The following ENKUR variants were observed in gnomAD, a reference collection of about 807,000 sequenced individuals.
The protein encoded by ENKUR is enkurin, TRPC channel interacting protein, also known as enkurin.
A neutral mutation model predicts 27.6 loss-of-function variants in ENKUR; 19 were observed. The ratio of observed to expected loss-of-function variants is 0.69; its 90% CI spans 0.48 to 1.01. The LOEUF (loss-of-function observed/expected upper bound fraction) is 1.01. Among genes scored for constraint, ENKUR ranks in the 50% least tolerant of loss-of-function variants. The probability of loss-of-function intolerance (pLI) is 0.00; values close to 1 mark genes in which losing one functional copy is unlikely to be tolerated. For synonymous variants in ENKUR, 117 were observed against 96.9 expected (o/e 1.21, Z -1.22); for missense variants, 312 against 310.5 (o/e 1.00, Z -0.04).
intron 3 of ENKUR, among the ~76,000 whole-genome samples, chr10:24,991,677 A>G (rs1849932288): frequency 6.6e-6 from 1 of 152,148 alleles, no homozygotes; most frequent in South Asian, 2.1e-4. Context: ...CTTCCACTCA[A>G]TAAAACCTTG....
At position 25,061,773 on chromosome 10, in the gene ENKUR, C is replaced by T. The variant is rs528836886; in HGVS notation, c.-221-404G>A. Among the ~76,000 whole-genome samples, 51 of 152,310 alleles carry T rather than the reference C, an allele frequency of 3.3e-4. No homozygotes were observed. The South Asian group carries it at 0.01, about 31-fold the overall frequency. On this transcript the variant is annotated intron_variant, in intron 1 of 5. Coordinates refer to the ENKUR transcript ENST00000615958. ...ACTTCCCACCTTCCCCAGACCTAGG[C>T]CTGCACATTCTTCTCTCCCTTCATC...
intron 2 of ENKUR, among the ~76,000 whole-genome samples, chr10:25,054,587 C>CCTTA (rs1267524264): frequency 5.8e-5 from 8 of 138,142 alleles, no homozygotes; most frequent in Admixed American, 3.0e-4. Context: ...TTTCTTTCTT[C>CCTTA]CTTTCTTTCT....
At chr10:25,017,552 T>C, upstream of ENKUR, among the ~76,000 whole-genome samples, 1 of 152,140 alleles carries the variant, frequency 6.6e-6, no homozygotes, top group East Asian at 1.9e-4. Flanking sequence ...AAAAAGGCTT[T>C]ACTGAATGTG....
intron 2 of ENKUR, among the ~76,000 whole-genome samples, chr10:25,036,048 A>G (rs986419586): frequency 1.3e-5 from 2 of 152,216 alleles, no homozygotes; most frequent in African/African-American, 2.4e-5. Context: ...GATAAATACT[A>G]TAATCAGGAC....
intron 2 of ENKUR, among the ~76,000 whole-genome samples, chr10:25,039,504 C>T (rs903445892): frequency 2.0e-5 from 3 of 152,034 alleles, no homozygotes; most frequent in Non-Finnish European, 4.4e-5. Context: ...CACTTGAGCC[C>T]GAGAGGTGGA....
At chr10:24,997,792 T>C (rs894994061) in intron 2 of ENKUR, among the ~76,000 whole-genome samples, 4 of 149,918 alleles carry the variant, frequency 2.7e-5, no homozygotes, top group African/African-American at 1.0e-4. Flanking sequence ...TTTTTTCTTA[T>C]TTGACACAAA....
intron 2 of ENKUR, among the ~76,000 whole-genome samples, chr10:25,036,996 G>A (rs1165613232): frequency 3.9e-5 from 6 of 152,178 alleles, no homozygotes; most frequent in Admixed American, 2.0e-4. Context: ...ACAATCCCGT[G>A]CAAGCCAAAA....
chr10:24,997,573 G>C (rs1850092616), intron 2 of ENKUR, among the ~76,000 whole-genome samples: 1 of 151,784 alleles, frequency 6.6e-6, no homozygotes, highest in Admixed American at 6.6e-5. Context: ...ATTTTTTATA[G>C]AGATAGGGTC....
At chr10:25,005,673 G>A (rs1234954807) in intron 1 of ENKUR, among the ~76,000 whole-genome samples, 1 of 152,206 alleles carries the variant, frequency 6.6e-6, no homozygotes, top group Admixed American at 6.5e-5. Context: ...GACTTGAAAT[G>A]AGAGTGTTCA....
upstream of ENKUR, among the ~76,000 whole-genome samples, chr10:25,020,238 A>ATATATCTATATCTATATCTATATC (rs1554772119): frequency 9.4e-3 from 1,191 of 126,622 alleles, 17 homozygotes; most frequent in African/African-American, 0.028. Flanking sequence ...TTTCTTTAAA[A>ATATATCTATATCTATATCTATATC]TATATCTATA....
At chr10:25,058,669 G>T (rs936913758) in intron 2 of ENKUR, among the ~76,000 whole-genome samples, 1 of 151,444 alleles carries the variant, frequency 6.6e-6, no homozygotes, top group Non-Finnish European at 1.5e-5. Flanking sequence ...AGTGGCTCAT[G>T]CCTGTAATCC....
chr10:25,016,763 C>T (rs908654278), upstream of ENKUR: 7 of 152,362 alleles, frequency 4.6e-5, no homozygotes, highest in Non-Finnish European at 8.8e-5. Context: ...CTTTCATTTC[C>T]CCCGTCTTCT....
At chr10:24,998,668 T>C (rs1564339068) in intron 2 of ENKUR, among the ~76,000 whole-genome samples, 2 of 152,128 alleles carry the variant, frequency 1.3e-5, no homozygotes, top group Non-Finnish European at 2.9e-5. Context: ...CTTCCATACA[T>C]ACCTGTCACA....
At chr10:24,998,371 CTCTCTCTCTCTT>C (rs2132693206) in intron 2 of ENKUR, among the ~76,000 whole-genome samples, 1 of 132,950 alleles carries the variant, frequency 7.5e-6, no homozygotes, top group African/African-American at 2.8e-5. Context: ...CTCTCTCTCT[CTCTCTCTCTCTT>C]TCTTTTTTTG....
intron 2 of ENKUR, among the ~76,000 whole-genome samples, chr10:25,058,607 CAA>C (rs1420072903): frequency 1.3e-5 from 2 of 152,134 alleles, no homozygotes; most frequent in East Asian, 1.9e-4. Flanking sequence ...AGATAGCCAA[CAA>C]GAGAGAGACC....
chr10:24,992,989 A>C (rs939982621), intron 3 of ENKUR, among the ~76,000 whole-genome samples: 5 of 152,168 alleles, frequency 3.3e-5, no homozygotes, highest in Admixed American at 3.3e-4. Context: ...TATATTTGGC[A>C]TACTCTGTTT....
intron 5 of ENKUR, 109 bp from the exon 6 acceptor site, chr10:24,984,485 T>A: frequency 1.5e-6 from 2 of 1,334,594 alleles, no homozygotes; most frequent in Non-Finnish European, 2.0e-6. Context: ...TGAATTACAT[T>A]GTGGAACTGG....
chr10:25,010,844 T>C (rs1390606453), intron 1 of ENKUR, among the ~76,000 whole-genome samples: 2 of 151,434 alleles, frequency 1.3e-5, no homozygotes, highest in African/African-American at 2.4e-5. Flanking sequence ...CAGTCTATCA[T>C]TGTTGGACAT....
rs116281742 is a variant in ENKUR, at chr10:25,048,656, C to A, written c.37+12456G>T. Among the ~76,000 whole-genome samples, 304 of 152,068 alleles carry A rather than the reference C, an allele frequency of 2.0e-3. 1 individual carries two copies. The highest frequency in any genetic ancestry group is 7.1e-3 in the African/African-American group (293 of 41,490). ...ACAGCCAAAGCAAATGAGATGCAGTCCATGAGCCAAGGTCTCAGATAGCTG... is the reference window on the plus strand; with the variant it reads ...ACAGCCAAAGCAAATGAGATGCAGTACATGAGCCAAGGTCTCAGATAGCTG... On this transcript the variant is annotated intron_variant, in intron 2 of 5. Transcript: ENST00000615958.
Sources: allele counts gnomAD v4.1 joint callset (sites outside exome capture counted in the v4.1 genomes callset), GRCh38; gene constraint gnomAD v4.1.1; transcripts MANE v1.5; gene names NCBI Gene and HGNC (gene_info 2026-07-23, HGNC 2026-07-21).